ABCA6: variants seen among roughly 807,000 people sequenced by gnomAD.
ABCA6 encodes ATP-binding cassette sub-family A member 6.
Under a neutral mutation model 191.2 loss-of-function variants are expected in ABCA6, and 164 were observed. That is an observed-to-expected ratio of 0.86 (90% CI 0.76 to 0.98). The LOEUF is 0.98. Among genes scored for constraint, ABCA6 ranks in the 50% least tolerant of loss-of-function variants. The pLI, the probability that ABCA6 is intolerant of heterozygous loss-of-function variation, is 0.00. For synonymous variants in ABCA6, 636 were observed against 647.7 expected, an observed-to-expected ratio of 0.98 and a Z score of 0.27; for missense variants, 1,958 against 1,894.1, an observed-to-expected ratio of 1.03 and a Z score of -0.63.
chr17:69,138,404 C>T (rs1345770182), intron 2 of ABCA6, among the ~76,000 whole-genome samples: 1 of 152,104 alleles, frequency 6.6e-6, no homozygotes, highest in Non-Finnish European at 1.5e-5. Context: ...AGTTGGATTC[C>T]TAAGTATTTT....
At chr17:69,128,412 C>A (rs186151343) in intron 8 of ABCA6, among the ~76,000 whole-genome samples, 1 of 150,192 alleles carries the variant, frequency 6.7e-6, no homozygotes, top group South Asian at 2.1e-4. Flanking sequence ...TATATCTGAG[C>A]GGTAAAATCT....
chr17:69,118,098 A>C (rs990424089), intron 10 of ABCA6, 142 bp from the exon 11 acceptor site: 3 of 507,630 alleles, frequency 5.9e-6, no homozygotes, highest in Admixed American at 3.9e-5. Context: ...ATTCAGAAAG[A>C]AAAAACCCTA....
chr17:69,086,028 G>A (rs2072779234), intron 30 of ABCA6, among the ~76,000 whole-genome samples: 1 of 152,090 alleles, frequency 6.6e-6, no homozygotes, highest in South Asian at 2.1e-4. Flanking sequence ...ATGTATGAAT[G>A]ATTCTCAAAC....
intron 9 of ABCA6, among the ~76,000 whole-genome samples, chr17:69,124,521 G>A (rs2073712783): frequency 6.6e-6 from 1 of 151,822 alleles, no homozygotes. Context: ...GGCCTCCCGA[G>A]AGCCAAACCA....
intron 20 of ABCA6, among the ~76,000 whole-genome samples, chr17:69,103,241 AAACAAC>A (rs766391503): frequency 6.6e-6 from 1 of 152,052 alleles, no homozygotes. Context: ...GACTTTTGGT[AAACAAC>A]AACAACAACA....
intron 23 of ABCA6, among the ~76,000 whole-genome samples, chr17:69,097,139 T>A (rs971309137): frequency 6.6e-5 from 10 of 152,284 alleles, no homozygotes; most frequent in African/African-American, 2.4e-4. Flanking sequence ...ACGCCTGTAA[T>A]CCCAGCACTT....
At chr17:69,137,536 G>A (rs1437450426) in intron 2 of ABCA6, 36 bp from the exon 3 acceptor site, 5 of 1,576,468 alleles carry the variant, frequency 3.2e-6, no homozygotes, top group African/African-American at 2.7e-5. Flanking sequence ...AATGAATTAA[G>A]GTTGCATTCA....
intron 22 of ABCA6, among the ~76,000 whole-genome samples, chr17:69,098,862 G>A (rs1254446536): frequency 6.6e-6 from 1 of 152,056 alleles, no homozygotes; most frequent in Non-Finnish European, 1.5e-5. Flanking sequence ...CAAAGTTCTG[G>A]AGATGCATTT....
At chr17:69,092,540 AT>A (rs1309288299) in intron 25 of ABCA6, among the ~76,000 whole-genome samples, 1 of 152,200 alleles carries the variant, frequency 6.6e-6, no homozygotes, top group African/African-American at 2.4e-5. Context: ...GTGTGCTAAG[AT>A]GTGCTACTAT....
chr17:69,106,975 A>C (rs895268763), intron 18 of ABCA6, among the ~76,000 whole-genome samples: 1 of 152,130 alleles, frequency 6.6e-6, no homozygotes. Flanking sequence ...TTTTTAAAAA[A>C]TCTTCTGCAT....
intron 14 of ABCA6, 71 bp downstream of exon 14, chr17:69,113,547 T>C: frequency 6.2e-7 from 1 of 1,600,566 alleles, no homozygotes; most frequent in Non-Finnish European, 8.5e-7. Flanking sequence ...TCTACCACTT[T>C]TAGTGGTAAA....
chr17:69,082,710 TA>T (rs1366865476), intron 36 of ABCA6, among the ~76,000 whole-genome samples, 162 bp downstream of exon 36: 2 of 152,036 alleles, frequency 1.3e-5, no homozygotes, highest in Non-Finnish European at 2.9e-5. Context: ...GCTTCCTGGG[TA>T]GGTCTCAATC....
At chr17:69,114,604 T>A (rs959739404) in intron 13 of ABCA6, among the ~76,000 whole-genome samples, 158 bp downstream of exon 13, 1 of 152,104 alleles carries the variant, frequency 6.6e-6, no homozygotes, top group Non-Finnish European at 1.5e-5. Context: ...TATTATGCAA[T>A]TTTAACCACT....
At chr17:69,085,341 C>T (rs2072755040) in intron 31 of ABCA6, among the ~76,000 whole-genome samples, 159 bp from the exon 32 acceptor site, 1 of 151,700 alleles carries the variant, frequency 6.6e-6, no homozygotes, top group African/African-American at 2.4e-5. Flanking sequence ...ATTTAAAGTA[C>T]AAATATAAAA....
In ABCA6 at chr17:69,141,848, T is replaced by TGC. The variant is rs1484993454; in HGVS notation, c.-150_-149insGC. ...TCTTTATTGCTGCTTCTTCATTTTT[T>TGC]CTTTAAATGGGTGCCTACTCCAGCA... On this transcript the variant is annotated 5_prime_UTR_variant, in exon 1 of 39. Transcript: ENST00000284425. The TGC allele has an allele frequency of 2.0e-5, 3 of 152,096 alleles. No individual in the cohort carries two copies. The highest frequency in any genetic ancestry group is 4.4e-5 in the Non-Finnish European group (3 of 68,002). 9.4% of individuals were successfully genotyped at this position (152,096 alleles called of 1,614,324 possible). A position where few individuals can be genotyped will look rare whatever the true frequency, so the allele number is the denominator to read the frequency against.
At position 69,110,824 on chromosome 17, in the gene ABCA6, A is replaced by T. The variant is rs1878109865; in HGVS notation, c.2249T>A (p.Leu750Gln). ...ACCTGGAAATGTATTTGTCCTTTCC[A>T]GTGGCAAAGTATATACAAGCTTTTC... ...NKEKLVYTLP[L>Q]ERTNTFPDLF... The change falls in exon 17 of 39, where the codon CTG (leucine) becomes CAG (glutamine). Residue 750 changes from leucine (L) to glutamine (Q), a missense_variant. Coordinates refer to ENST00000284425, the MANE Select transcript of ABCA6 (RefSeq NM_080284.3). 6.8e-6 allele frequency: 11 copies of T among 1,609,626 alleles called. No individual in the cohort carries two copies. Among genetic ancestry groups the T allele is most frequent in the Non-Finnish European group, 9.3e-6 (11 of 1,178,004 alleles).
chr17:69,134,299 G>T (rs1040409441), intron 5 of ABCA6, among the ~76,000 whole-genome samples: 3 of 152,084 alleles, frequency 2.0e-5, no homozygotes, highest in Admixed American at 6.6e-5. Flanking sequence ...TAGTGGTTGG[G>T]TCATGAGGGT....
chr17:69,085,177 T>C lies in ABCA6; in HGVS notation c.4035A>G (p.Glu1345=). ...GITKPTAGEV[E]LKGCSSVLGH... The stretch of plus-strand genomic sequence containing the variant: ...CCAAAACTGAACTGCAGCCTTTCAG[T>C]TCCACCTAAAAAAATAAAAGAGCTT... The change falls in exon 32 of 39, where the codon GAA becomes GAG. Residue 1345 remains glutamate, a synonymous_variant. Transcript: ENST00000284425. 6.2e-7 allele frequency: 1 copy of C among 1,606,420 alleles called. No individual in the cohort carries two copies. The highest frequency in any genetic ancestry group is 8.5e-7 in the Non-Finnish European group (1 of 1,176,838).
chr17:69,139,319 T>A (rs1167109450), intron 2 of ABCA6, among the ~76,000 whole-genome samples: 1 of 152,088 alleles, frequency 6.6e-6, no homozygotes. Context: ...AAGAAGACAT[T>A]TATGCAGCCA....
Sources: allele counts gnomAD v4.1 joint callset (sites outside exome capture counted in the v4.1 genomes callset), GRCh38; gene constraint gnomAD v4.1.1; transcripts MANE v1.5; gene names NCBI Gene and HGNC (gene_info 2026-07-23, HGNC 2026-07-21).